LPP: variants seen among roughly 807,000 people sequenced by gnomAD.
The protein encoded by LPP is lipoma-preferred partner.
Under a neutral mutation model 60.4 loss-of-function variants are expected in LPP, and 38 were observed. That is an observed-to-expected ratio of 0.63 (90% CI 0.49 to 0.83). The LOEUF (loss-of-function observed/expected upper bound fraction) is 0.83, where lower values mean the gene tolerates loss of function less well. LPP is among the 40% of genes least tolerant of loss of function. The probability of loss-of-function intolerance (pLI) is 0.00; values close to 1 mark genes in which losing one functional copy is unlikely to be tolerated. For missense variants in LPP, 902 were observed against 783.6 expected (o/e 1.15, Z -1.80); for synonymous variants, 328 against 290.8 (o/e 1.13, Z -1.30).
intron 1 of LPP, among the ~76,000 whole-genome samples, chr3:188,192,268 C>G (rs1196231322): frequency 6.6e-6 from 1 of 152,142 alleles, no homozygotes; most frequent in Admixed American, 6.6e-5. Flanking sequence ...TGGTAAAGAA[C>G]TTTCTAGGAA....
chr3:188,828,956 T>C (rs574872074), intron 9 of LPP, among the ~76,000 whole-genome samples: 80 of 152,204 alleles, frequency 5.3e-4, no homozygotes, highest in Non-Finnish European at 8.2e-4. Context: ...TAGTATTACA[T>C]GCTTCTCAAA....
At chr3:188,684,696 C>T (rs2149399303) in intron 7 of LPP, among the ~76,000 whole-genome samples, 1 of 151,508 alleles carries the variant, frequency 6.6e-6, no homozygotes, top group East Asian at 1.9e-4. Flanking sequence ...ATTTTATTCC[C>T]TGAGGCTTGT....
At chr3:188,333,260 T>C (rs1760654268) in intron 2 of LPP, among the ~76,000 whole-genome samples, 1 of 152,154 alleles carries the variant, frequency 6.6e-6, no homozygotes. Context: ...AGTAATTATA[T>C]TTGGAGAATT....
intron 2 of LPP, among the ~76,000 whole-genome samples, chr3:188,319,290 T>C (rs1408639407): frequency 1.3e-5 from 2 of 152,214 alleles, no homozygotes; most frequent in East Asian, 1.9e-4. Flanking sequence ...GAGGATTCTC[T>C]ATATAATGCC....
intron 8 of LPP, among the ~76,000 whole-genome samples, chr3:188,755,552 C>G (rs897310301): frequency 6.6e-6 from 1 of 151,782 alleles, no homozygotes; most frequent in East Asian, 1.9e-4. Context: ...GACTATAATC[C>G]CGGCACCTCA....
At chr3:188,163,379 C>T (rs1718905407) in intron 1 of LPP, among the ~76,000 whole-genome samples, 1 of 152,152 alleles carries the variant, frequency 6.6e-6, no homozygotes, top group Admixed American at 6.5e-5. Flanking sequence ...TGCACCCTTC[C>T]TGCTGAAGCC....
intron 3 of LPP, among the ~76,000 whole-genome samples, chr3:188,380,109 G>A (rs553296763): frequency 3.3e-5 from 5 of 152,324 alleles, no homozygotes; most frequent in African/African-American, 1.2e-4. Context: ...GGAGAACCAG[G>A]TGTGAAATCA....
chr3:188,328,947 C>T (rs549360913), intron 2 of LPP, among the ~76,000 whole-genome samples: 2 of 152,256 alleles, frequency 1.3e-5, no homozygotes, highest in Admixed American at 6.5e-5. Context: ...CTCCCTGTCC[C>T]GCTTATTGTA....
chr3:188,736,263 CAT>C (rs1454145039), intron 8 of LPP, among the ~76,000 whole-genome samples: 1 of 151,726 alleles, frequency 6.6e-6, no homozygotes, highest in Non-Finnish European at 1.5e-5. Context: ...ATGTAAATAT[CAT>C]ATAAAATTAA....
At chr3:188,211,489 C>A (rs575259052) in intron 1 of LPP, among the ~76,000 whole-genome samples, 51 of 152,272 alleles carry the variant, frequency 3.3e-4, no homozygotes, top group African/African-American at 9.1e-4. Context: ...CGGAGCACCT[C>A]CTATATCCCG....
intron 4 of LPP, among the ~76,000 whole-genome samples, chr3:188,470,930 T>C (rs1801686543): frequency 6.6e-6 from 1 of 152,128 alleles, no homozygotes; most frequent in South Asian, 2.1e-4. Context: ...TTGACAAACT[T>C]TGACAACAAA....
chr3:188,376,519 G>T (rs1240917816), intron 3 of LPP, among the ~76,000 whole-genome samples: 3 of 152,112 alleles, frequency 2.0e-5, no homozygotes, highest in African/African-American at 4.8e-5. Context: ...CAGAGACTAG[G>T]ATTGCAACCC....
In LPP at chr3:188,687,806, G is replaced by A. The variant is rs564448594; in HGVS notation, c.1114-20461G>A. On this transcript the variant is annotated intron_variant, in intron 7 of 11. Transcript: ENST00000617246. ...TTTTTTTTTTTTGAGATGAAGTCTC[G>A]CTCTGTCGCCCAGGCTGGGGTGCAG... Among the ~76,000 whole-genome samples the A allele has an allele frequency of 7.7e-3, 948 of 123,254 alleles. 14 individuals are homozygous for A. Among genetic ancestry groups the A allele is most frequent in the African/African-American group, 0.028 (885 of 31,862 alleles). The allele number at this position is 123,254 out of a possible 152,430, so 80.9% of individuals were successfully genotyped here. A position where few individuals can be genotyped will look rare whatever the true frequency, so the allele number is the denominator to read the frequency against.
intron 2 of LPP, among the ~76,000 whole-genome samples, chr3:188,283,790 C>T (rs1278996225): frequency 6.6e-6 from 1 of 151,984 alleles, no homozygotes; most frequent in Non-Finnish European, 1.5e-5. Flanking sequence ...CTAGCCTGAC[C>T]AACACGGTGA....
intron 5 of LPP, among the ~76,000 whole-genome samples, chr3:188,493,486 T>C (rs1808990408): frequency 6.6e-6 from 1 of 152,130 alleles, no homozygotes; most frequent in Non-Finnish European, 1.5e-5. Flanking sequence ...CTTCTTTTCT[T>C]TTCCTTTCTT....
intron 2 of LPP, among the ~76,000 whole-genome samples, chr3:188,287,909 T>C (rs1744513590): frequency 6.6e-6 from 1 of 152,238 alleles, no homozygotes; most frequent in Non-Finnish European, 1.5e-5. Context: ...ATTAGCATTT[T>C]ATTGAGTATT....
At chr3:188,766,717 T>C (rs774769398) in intron 9 of LPP, among the ~76,000 whole-genome samples, 1 of 152,240 alleles carries the variant, frequency 6.6e-6, no homozygotes, top group Non-Finnish European at 1.5e-5. Context: ...TAATTCTTTT[T>C]TAAAATCCTA....
chr3:188,601,806 C>T (rs1352106066), intron 6 of LPP, among the ~76,000 whole-genome samples: 6 of 151,952 alleles, frequency 3.9e-5, no homozygotes, highest in Non-Finnish European at 7.4e-5. Context: ...TGGTGGCTCA[C>T]GCCTGTAATC....
chr3:188,753,959 A>C (rs1278257943), intron 8 of LPP, among the ~76,000 whole-genome samples: 1 of 152,316 alleles, frequency 6.6e-6, no homozygotes, highest in African/African-American at 2.4e-5. Flanking sequence ...TTAAGATATG[A>C]TAAAAACTCT....
Sources: allele counts gnomAD v4.1 joint callset (sites outside exome capture counted in the v4.1 genomes callset), GRCh38; gene constraint gnomAD v4.1.1; transcripts MANE v1.5; gene names NCBI Gene and HGNC (gene_info 2026-07-23, HGNC 2026-07-21).